The following CFAP299 variants were observed in gnomAD, a reference collection of about 807,000 sequenced individuals.
The protein encoded by CFAP299 is cilia and flagella associated protein 299, also known as cilia- and flagella-associated protein 299.
A neutral mutation model predicts 27.0 loss-of-function variants in CFAP299; 21 were observed. The ratio of observed to expected loss-of-function variants is 0.78; its 90% confidence interval spans 0.55 to 1.12. The LOEUF (loss-of-function observed/expected upper bound fraction) is 1.12. CFAP299 is among the 50% of genes most tolerant of loss of function. The pLI is 0.00. For missense variants in CFAP299, 310 were observed against 276.6 expected (o/e 1.12, Z -0.86); for synonymous variants, 104 against 98.1 (o/e 1.06, Z -0.36).
intron 3 of CFAP299, among the ~76,000 whole-genome samples, chr4:80,813,567 G>A (rs557167647): frequency 2.0e-5 from 3 of 151,828 alleles, no homozygotes; most frequent in Admixed American, 6.6e-5. Context: ...GTAAGGCTTC[G>A]GGGCTTGTGA....
At chr4:80,939,573 A>T (rs1737088682) in intron 4 of CFAP299, among the ~76,000 whole-genome samples, 1 of 151,952 alleles carries the variant, frequency 6.6e-6, no homozygotes, top group South Asian at 2.1e-4. Flanking sequence ...ATTTAATTGT[A>T]AATCTGTGTT....
intron 3 of CFAP299, among the ~76,000 whole-genome samples, chr4:80,719,544 T>C (rs142145481): frequency 6.6e-6 from 1 of 152,242 alleles, no homozygotes; most frequent in Non-Finnish European, 1.5e-5. Context: ...AATTCTGATA[T>C]GTTGTGTTTT....
chr4:80,569,135 C>T (rs1171130567), intron 2 of CFAP299, among the ~76,000 whole-genome samples: 1 of 151,990 alleles, frequency 6.6e-6, no homozygotes, highest in Non-Finnish European at 1.5e-5. Flanking sequence ...TGTGTGTTTC[C>T]ATCACCCTTT....
chr4:80,763,626 A>G (rs1160543066), intron 3 of CFAP299, among the ~76,000 whole-genome samples: 1 of 152,162 alleles, frequency 6.6e-6, no homozygotes. Context: ...GTATGGAACC[A>G]AAAAAGAGCT....
At chr4:80,517,228 A>G (rs2110170283) in intron 2 of CFAP299, among the ~76,000 whole-genome samples, 2 of 152,318 alleles carry the variant, frequency 1.3e-5, no homozygotes, top group South Asian at 4.1e-4. Flanking sequence ...TAGGAAGGAA[A>G]GAAATAGGAA....
At chr4:80,378,838 C>T (rs1724552574) in intron 2 of CFAP299, among the ~76,000 whole-genome samples, 2 of 151,992 alleles carry the variant, frequency 1.3e-5, no homozygotes, top group African/African-American at 4.8e-5. Context: ...TTTACATCCA[C>T]TTAATTAAGT....
chr4:80,861,331 G>C (rs1195024670), intron 3 of CFAP299, among the ~76,000 whole-genome samples: 6 of 152,152 alleles, frequency 3.9e-5, no homozygotes, highest in Non-Finnish European at 8.8e-5. Flanking sequence ...TCTTTGACTA[G>C]GAACGGGAAC....
intron 2 of CFAP299, among the ~76,000 whole-genome samples, chr4:80,512,285 T>G (rs964583073): frequency 2.0e-5 from 3 of 151,792 alleles, no homozygotes; most frequent in African/African-American, 7.3e-5. Context: ...CTTTTCCCAT[T>G]AACCATCTCC....
At chr4:80,756,052 A>G (rs17539130) in intron 3 of CFAP299, among the ~76,000 whole-genome samples, 5,668 of 152,238 alleles carry the variant, frequency 0.037, 158 homozygotes, top group Non-Finnish European at 0.056. Flanking sequence ...TTCAATGTCC[A>G]TCAATATTCC....
rs544891055 is a variant in CFAP299 at position 80,390,980 on chromosome 4, C to A, written c.242+28096C>A. ...GTATATATGTATATATGTATGTACACACATGTATATATGTATATATGTATG... is the reference window on the plus strand; with the variant it reads ...GTATATATGTATATATGTATGTACAAACATGTATATATGTATATATGTATG... On this transcript the variant is annotated intron_variant, in intron 2 of 5. Transcript: ENST00000358105. 2.1e-5 allele frequency among the ~76,000 whole-genome samples: 3 copies of A among 143,028 alleles called. 1 individual carries two copies. In the South Asian group the frequency reaches 6.7e-4, roughly 32 times the overall value. 93.8% of individuals were successfully genotyped at this position (143,028 alleles called of 152,430 possible).
intron 3 of CFAP299, among the ~76,000 whole-genome samples, chr4:80,734,782 T>C (rs1723759686): frequency 6.6e-6 from 1 of 152,142 alleles, no homozygotes; most frequent in African/African-American, 2.4e-5. Flanking sequence ...CTGTAGTGTG[T>C]GGATTCCTTT....
chr4:80,351,866 A>G lies in CFAP299; in HGVS notation c.112-10888A>G, dbSNP rs561952272. 1.8e-4 allele frequency among the ~76,000 whole-genome samples: 27 copies of G among 150,338 alleles called. No homozygotes were observed. In the East Asian group the frequency reaches 4.5e-3, roughly 25 times the overall value. Reference sequence around the variant, plus strand: ...TAATGTTAATACATTAAATTGTTTTATAATTAATGATTTATTAATAATTAT... The same window carrying G: ...TAATGTTAATACATTAAATTGTTTTGTAATTAATGATTTATTAATAATTAT... On this transcript the variant is annotated intron_variant, in intron 1 of 5. Transcript: ENST00000358105.
At chr4:80,654,890 A>G (rs1447867177) in intron 3 of CFAP299, among the ~76,000 whole-genome samples, 1 of 149,324 alleles carries the variant, frequency 6.7e-6, no homozygotes, top group Non-Finnish European at 1.5e-5. Flanking sequence ...TGCTGGAATT[A>G]TAGGTAGTAA....
At chr4:80,413,750 C>CTTTTTTTTTTTTTTTTTTTTTTT (rs66780627) in intron 2 of CFAP299, among the ~76,000 whole-genome samples, 3 of 108,308 alleles carry the variant, frequency 2.8e-5, no homozygotes, top group African/African-American at 6.9e-5. Flanking sequence ...TTGTGTCATT[C>CTTTTTTTTTTTTTTTTTTTTTTT]TTTTTTTTTT....
At chr4:80,860,512 C>T (rs1224700963) in intron 3 of CFAP299, among the ~76,000 whole-genome samples, 2 of 152,132 alleles carry the variant, frequency 1.3e-5, no homozygotes, top group Non-Finnish European at 2.9e-5. Flanking sequence ...ATTTTTTCTG[C>T]TCTGTTTTTT....
chr4:80,884,767 G>T (rs1361825827), intron 4 of CFAP299, among the ~76,000 whole-genome samples: 2 of 151,816 alleles, frequency 1.3e-5, no homozygotes, highest in African/African-American at 2.4e-5. Flanking sequence ...AGGAGAGAGG[G>T]TGGAGCAAGA....
chr4:80,808,864 C>T (rs536375555), intron 3 of CFAP299, among the ~76,000 whole-genome samples: 25 of 152,090 alleles, frequency 1.6e-4, no homozygotes, highest in African/African-American at 2.9e-4. Flanking sequence ...CCATGATTTA[C>T]GATCAGATGG....
At chr4:80,782,649 A>C (rs1726969678) in intron 3 of CFAP299, among the ~76,000 whole-genome samples, 2 of 124,034 alleles carry the variant, frequency 1.6e-5, no homozygotes, top group Middle Eastern at 7.5e-3. Context: ...TACATATATG[A>C]ATATATAATA....
intron 2 of CFAP299, among the ~76,000 whole-genome samples, chr4:80,446,196 C>T (rs1728606941): frequency 6.6e-6 from 1 of 152,166 alleles, no homozygotes; most frequent in South Asian, 2.1e-4. Context: ...CTCAGCCAAC[C>T]ACCTGTGGAA....
Sources: allele counts gnomAD v4.1 joint callset (sites outside exome capture counted in the v4.1 genomes callset), GRCh38; gene constraint gnomAD v4.1.1; transcripts MANE v1.5; gene names NCBI Gene and HGNC (gene_info 2026-07-23, HGNC 2026-07-21).